TPD52L1: variants seen among roughly 807,000 people sequenced by gnomAD.
TPD52L1 encodes the protein tumor protein D53.
In TPD52L1, 18 loss-of-function variants were observed where a neutral mutation model predicts 28.7. The observed-to-expected ratio is 0.63, with a 90% confidence interval of 0.43 to 0.93. The LOEUF is 0.93. Among genes scored for constraint, TPD52L1 ranks in the 40% least tolerant of loss-of-function variants. The pLI is 0.00. For synonymous variants in TPD52L1, 75 were observed against 88.8 expected (o/e 0.84, Z 0.88); for missense variants, 203 against 254.8 (o/e 0.80, Z 1.39).
intron 3 of TPD52L1, among the ~76,000 whole-genome samples, chr6:125,234,911 G>A (rs1796165369): frequency 6.6e-6 from 1 of 151,792 alleles, no homozygotes; most frequent in Admixed American, 6.6e-5. Context: ...TGAGCAGCGT[G>A]GTGAAACTGC....
At chr6:125,207,224 G>C (rs1794210105) in intron 1 of TPD52L1, among the ~76,000 whole-genome samples, 1 of 152,162 alleles carries the variant, frequency 6.6e-6, no homozygotes, top group African/African-American at 2.4e-5. Context: ...ATGGAGTCTT[G>C]AGTGGGATTG....
intron 1 of TPD52L1, among the ~76,000 whole-genome samples, chr6:125,217,491 G>C (rs1005518305): frequency 6.6e-6 from 1 of 152,080 alleles, no homozygotes; most frequent in Admixed American, 6.6e-5. Context: ...AATAGGGTTT[G>C]CGGTCCTATG....
chr6:125,193,329 CCTT>C lies in TPD52L1; in HGVS notation c.20-26746_20-26744del, dbSNP rs145383607. ...TCTCCTTTCCTTTCCCTCATCCTTTCCTTCTCCCTCTTCTGATATGCTTTCTGG... is the reference window on the plus strand; with the variant it reads ...TCTCCTTTCCTTTCCCTCATCCTTTCCTCCCTCTTCTGATATGCTTTCTGG... On this transcript the variant is annotated intron_variant, in intron 1 of 6. Transcript: ENST00000534000. Among the ~76,000 whole-genome samples the C allele has an allele frequency of 5.1e-4, 77 of 152,300 alleles. 1 individual carries two copies. Among genetic ancestry groups the C allele is most frequent in the African/African-American group, 1.7e-3 (69 of 41,578 alleles).
At position 125,245,340 on chromosome 6, in the gene TPD52L1, C is replaced by T. The variant is rs112691242; in HGVS notation, c.285-2942C>T. On this transcript the variant is annotated intron_variant, in intron 3 of 6. Coordinates refer to ENST00000534000, the MANE Select transcript of TPD52L1 (RefSeq NM_003287.4). ...TGCAGTAATGGCCTGAGTTGGTCTG[C>T]CTCCAGCCAGGAGGTGGTGTTTTCA... Among the ~76,000 whole-genome samples, 184 of 152,260 alleles carry T rather than the reference C, an allele frequency of 1.2e-3. 3 individuals carry two copies. Among genetic ancestry groups the T allele is most frequent in the African/African-American group, 4.1e-3 (171 of 41,546 alleles).
intron 1 of TPD52L1, chr6:125,154,396 C>G: frequency 2.0e-6 from 2 of 995,908 alleles, no homozygotes; most frequent in Non-Finnish European, 2.4e-6. Context: ...TTGTGGCTCC[C>G]AAGTTAGGGA....
intron 1 of TPD52L1, among the ~76,000 whole-genome samples, chr6:125,178,653 AACAAAAT>A (rs1562227952): frequency 8.0e-6 from 1 of 124,310 alleles, no homozygotes; most frequent in Non-Finnish European, 1.8e-5. Flanking sequence ...AACAAAACAA[AACAAAAT>A]ATATATATAT....
At chr6:125,156,048 C>T (rs1258436294) in intron 1 of TPD52L1, among the ~76,000 whole-genome samples, 2 of 152,184 alleles carry the variant, frequency 1.3e-5, no homozygotes, top group East Asian at 1.9e-4. Context: ...CTTCAGTCCC[C>T]ACCTGAATCT....
chr6:125,199,198 T>C (rs534653601), intron 1 of TPD52L1, among the ~76,000 whole-genome samples: 5 of 152,364 alleles, frequency 3.3e-5, no homozygotes, highest in Non-Finnish European at 5.9e-5. Context: ...CTCGATTTGT[T>C]TATTGGACAA....
chr6:125,220,283 T>C (rs1795150899), intron 2 of TPD52L1, 90 bp downstream of exon 2: 1 of 804,104 alleles, frequency 1.2e-6, no homozygotes, highest in Non-Finnish European at 2.0e-6. Flanking sequence ...TGATGTTGTA[T>C]TGTAATGATG....
Position 125,156,595 on chromosome 6 carries a change from C to T in TPD52L1, c.19+2625C>T, listed in dbSNP as rs566103342. 1.3e-3 allele frequency among the ~76,000 whole-genome samples: 196 copies of T among 151,820 alleles called. 1 individual carries two copies. Among genetic ancestry groups the T allele is most frequent in the Admixed American group, 3.8e-3 (58 of 15,248 alleles). ...GATCAGCCTGGGCAACATGGTGAAACGCTGTCTCCACAAAAAATACAAAAA... is the reference window on the plus strand; with the variant it reads ...GATCAGCCTGGGCAACATGGTGAAATGCTGTCTCCACAAAAAATACAAAAA... On this transcript the variant is annotated intron_variant, in intron 1 of 6. Transcript: ENST00000534000.
intron 1 of TPD52L1, among the ~76,000 whole-genome samples, chr6:125,179,665 G>A (rs1792058162): frequency 6.6e-6 from 1 of 152,046 alleles, no homozygotes; most frequent in Admixed American, 6.6e-5. Flanking sequence ...TGTATATTCA[G>A]GTGTAAGTTC....
chr6:125,213,546 C>T (rs533981041), intron 1 of TPD52L1, among the ~76,000 whole-genome samples: 42 of 152,264 alleles, frequency 2.8e-4, no homozygotes, highest in Admixed American at 1.4e-3. Flanking sequence ...CCACTTCCTC[C>T]ATTTGTCCTC....
At chr6:125,176,263 T>C (rs1791816642) in intron 1 of TPD52L1, among the ~76,000 whole-genome samples, 1 of 152,216 alleles carries the variant, frequency 6.6e-6, no homozygotes, top group South Asian at 2.1e-4. Context: ...TGAGAAAACA[T>C]GTCCGTATTC....
At chr6:125,208,471 T>A (rs766662372) in intron 1 of TPD52L1, among the ~76,000 whole-genome samples, 1 of 152,040 alleles carries the variant, frequency 6.6e-6, no homozygotes, top group South Asian at 2.1e-4. Context: ...CCAGAAGGGA[T>A]TGGTGGAGGA....
chr6:125,164,922 C>T (rs1790776874), intron 1 of TPD52L1, among the ~76,000 whole-genome samples: 1 of 151,632 alleles, frequency 6.6e-6, no homozygotes, highest in African/African-American at 2.4e-5. Context: ...GAAATGTCCC[C>T]AACAACACCG....
At chr6:125,168,874 C>G (rs1791091075) in intron 1 of TPD52L1, among the ~76,000 whole-genome samples, 1 of 152,220 alleles carries the variant, frequency 6.6e-6, no homozygotes, top group South Asian at 2.1e-4. Context: ...TGTAGTAGGA[C>G]CTGTTATGTA....
intron 4 of TPD52L1, among the ~76,000 whole-genome samples, chr6:125,251,373 G>A (rs958908089): frequency 2.7e-5 from 4 of 147,002 alleles, no homozygotes; most frequent in African/African-American, 1.0e-4. Context: ...AAGAACAACA[G>A]TACCTCTCAG....
intron 3 of TPD52L1, among the ~76,000 whole-genome samples, chr6:125,245,844 C>T (rs890143619): frequency 3.3e-5 from 5 of 152,198 alleles, no homozygotes; most frequent in Admixed American, 3.3e-4. Flanking sequence ...GGCTTCCCTG[C>T]TGAGAAAGCA....
At chr6:125,177,241 C>T (rs1791880668) in intron 1 of TPD52L1, among the ~76,000 whole-genome samples, 1 of 152,064 alleles carries the variant, frequency 6.6e-6, no homozygotes, top group Non-Finnish European at 1.5e-5. Context: ...TTCTACGTTC[C>T]CTAATTTAGA....
Sources: allele counts gnomAD v4.1 joint callset (sites outside exome capture counted in the v4.1 genomes callset), GRCh38; gene constraint gnomAD v4.1.1; transcripts MANE v1.5; gene names NCBI Gene and HGNC (gene_info 2026-07-23, HGNC 2026-07-21).